ZFAT: variants seen among roughly 807,000 people sequenced by gnomAD.
ZFAT encodes zinc finger and AT-hook domain containing.
Under a neutral mutation model 117.7 loss-of-function variants are expected in ZFAT, and 64 were observed. The ratio of observed to expected loss-of-function variants is 0.54; its 90% confidence interval spans 0.44 to 0.67. The LOEUF is 0.67. Among genes scored for constraint, ZFAT ranks in the 30% least tolerant of loss-of-function variants. ZFAT has a pLI of 0.00. For missense variants in ZFAT, 1,433 were observed against 1,584.5 expected, an observed-to-expected ratio of 0.90 and a Z score of 1.62; for synonymous variants, 679 against 615.0, an observed-to-expected ratio of 1.10 and a Z score of -1.54.
In ZFAT at chr8:134,478,467, G is replaced by T; in HGVS notation, c.*15C>A. 1 of 1,551,988 alleles carries T rather than the reference G, an allele frequency of 6.4e-7. No individual in the cohort carries two copies. ...TGGCAGCCCCGCCCTGTGGCCATCCGATGCCACATGTCCTCTAGAGTTCCT... is the reference window on the plus strand; with the variant it reads ...TGGCAGCCCCGCCCTGTGGCCATCCTATGCCACATGTCCTCTAGAGTTCCT... On this transcript the variant is annotated 3_prime_UTR_variant, in exon 16 of 16. Coordinates refer to ENST00000377838, the MANE Select transcript of ZFAT (RefSeq NM_020863.4). The surrounding 1 kb of genome is among the most constrained non-coding windows in gnomAD (Gnocchi z 5.2).
rs759634086 is a variant in ZFAT, at chr8:134,602,606, C to T, written c.1113G>A (p.Lys371=). The change falls in exon 6 of 16, where the codon AAG becomes AAA. Residue 371 remains lysine, a synonymous_variant. Transcript: ENST00000377838. ...GTGGGTCATGCGCGTCTCGGATGTG[C>T]TTGATGAGGTTCTTGACGTCAGAGT... ...KKYSDVKNLI[K]HIRDAHDPQD... The T allele has an allele frequency of 1.2e-5, 19 of 1,614,162 alleles. No individual in the cohort carries two copies. Among genetic ancestry groups the T allele is most frequent in the Middle Eastern group, 1.6e-4 (1 of 6,062 alleles).
chr8:134,735,130 C>T, the ZFAT span, among the ~76,000 whole-genome samples: 19 of 152,192 alleles, frequency 1.2e-4, no homozygotes, highest in South Asian at 2.9e-3. Context: ...ATTTTTGTGT[C>T]AATGTTGGAA....
chr8:134,486,025 T>C (rs1463168093), intron 15 of ZFAT, among the ~76,000 whole-genome samples: 1 of 152,326 alleles, frequency 6.6e-6, no homozygotes, highest in East Asian at 1.9e-4. Context: ...CAGGGTTTCA[T>C]CAGACCACGC....
At chr8:134,831,478 C>T in the ZFAT span, among the ~76,000 whole-genome samples, 1 of 152,218 alleles carries the variant, frequency 6.6e-6, no homozygotes, top group African/African-American at 2.4e-5. Context: ...TCTCTGGTCC[C>T]CATCCAGACG....
intron 10 of ZFAT, among the ~76,000 whole-genome samples, chr8:134,583,069 C>T (rs758378560): frequency 3.9e-5 from 6 of 152,198 alleles, no homozygotes; most frequent in Middle Eastern, 3.4e-3. Flanking sequence ...TCCCTCTATC[C>T]AGCCTGTGCC....
At chr8:134,641,012 T>C (rs1443174152) in intron 2 of ZFAT, among the ~76,000 whole-genome samples, 1 of 152,160 alleles carries the variant, frequency 6.6e-6, no homozygotes. Context: ...GTCTCTCCAG[T>C]AAATCCCCTC....
chr8:134,485,257 T>C lies in ZFAT; in HGVS notation c.3493-6536A>G, dbSNP rs1169401726. 3.3e-5 allele frequency among the ~76,000 whole-genome samples: 5 copies of C among 152,186 alleles called. No individual in the cohort carries two copies. In the East Asian group the frequency reaches 9.7e-4, roughly 29 times the overall value. On this transcript the variant is annotated intron_variant, in intron 15 of 15. Transcript: ENST00000377838. ...TGCTCCGCCTGGCCTCTGAGCCTGA[T>C]GGTCCCAGCAGCCAGGCCACTGTGC...
At chr8:134,570,005 G>C (rs1381304353) in intron 10 of ZFAT, among the ~76,000 whole-genome samples, 1 of 152,152 alleles carries the variant, frequency 6.6e-6, no homozygotes, top group Non-Finnish European at 1.5e-5. Flanking sequence ...AAAGCCAAGA[G>C]CTTCACAGTG....
chr8:134,530,846 T>C (rs1563813697), intron 12 of ZFAT, among the ~76,000 whole-genome samples: 1 of 152,158 alleles, frequency 6.6e-6, no homozygotes. Flanking sequence ...GTATTAGTTA[T>C]TATAAGTAAT....
At chr8:134,799,296 C>T in the ZFAT span, among the ~76,000 whole-genome samples, 1 of 152,140 alleles carries the variant, frequency 6.6e-6, no homozygotes, top group South Asian at 2.1e-4. Context: ...CAAGAGCATA[C>T]AGACACTTGC....
chr8:134,610,090 G>C (rs1203861215), intron 4 of ZFAT, among the ~76,000 whole-genome samples: 2 of 152,206 alleles, frequency 1.3e-5, no homozygotes, highest in African/African-American at 2.4e-5. Context: ...GCGTCTGGCT[G>C]AATGGGCTGG....
chr8:134,735,447 A>T, the ZFAT span, among the ~76,000 whole-genome samples: 1 of 152,248 alleles, frequency 6.6e-6, no homozygotes, highest in South Asian at 2.1e-4. Context: ...ATTTCCTTTT[A>T]CAAAACACTT....
the ZFAT span, among the ~76,000 whole-genome samples, chr8:134,811,549 G>A: frequency 6.6e-6 from 1 of 152,174 alleles, no homozygotes; most frequent in Non-Finnish European, 1.5e-5. Flanking sequence ...GCAAGGACAG[G>A]CATGTCTGTT....
chr8:134,595,615 C>A (rs541689933), intron 7 of ZFAT, among the ~76,000 whole-genome samples: 11 of 152,288 alleles, frequency 7.2e-5, no homozygotes, highest in African/African-American at 2.6e-4. Context: ...TTGCACAATG[C>A]TGTTAAAAGT....
intron 2 of ZFAT, among the ~76,000 whole-genome samples, chr8:134,652,405 T>C (rs1357694319): frequency 6.6e-6 from 1 of 152,156 alleles, no homozygotes; most frequent in Non-Finnish European, 1.5e-5. Flanking sequence ...AACTCATCCA[T>C]GGATGGAGAT....
At chr8:134,772,229 T>A in the ZFAT span, among the ~76,000 whole-genome samples, 4 of 152,204 alleles carry the variant, frequency 2.6e-5, no homozygotes, top group East Asian at 5.8e-4. Flanking sequence ...CTATAAATGA[T>A]TAAGCTCAAC....
At chr8:134,821,684 A>G in the ZFAT span, among the ~76,000 whole-genome samples, 2 of 152,208 alleles carry the variant, frequency 1.3e-5, no homozygotes, top group South Asian at 4.1e-4. Context: ...GATTTCCAAG[A>G]ACGAGTAAGA....
chr8:134,781,874 A>G, the ZFAT span, among the ~76,000 whole-genome samples: 1 of 152,222 alleles, frequency 6.6e-6, no homozygotes, highest in Non-Finnish European at 1.5e-5. Context: ...TTTCTTATTA[A>G]CATTCTTTTC....
intron 1 of ZFAT, among the ~76,000 whole-genome samples, chr8:134,667,667 C>T (rs992851305): frequency 3.3e-5 from 5 of 151,404 alleles, no homozygotes; most frequent in Non-Finnish European, 5.9e-5. Flanking sequence ...CTCCAGTCTA[C>T]AGCTCCCAGC....
Sources: allele counts gnomAD v4.1 joint callset (sites outside exome capture counted in the v4.1 genomes callset), GRCh38; gene constraint gnomAD v4.1.1; non-coding constraint Gnocchi (gnomAD v3.1); transcripts MANE v1.5; gene names NCBI Gene and HGNC (gene_info 2026-07-23, HGNC 2026-07-21).